The following B4GALNT2 variants were observed in gnomAD, a reference collection of about 807,000 sequenced individuals.
The protein encoded by B4GALNT2 is N-acetylneuraminylgalactosylglucosyl-glucoside beta-1,4-N- acetylgalactosaminyltransferase 2.
A neutral mutation model predicts 51.1 loss-of-function variants in B4GALNT2; 42 were observed. That is an observed-to-expected ratio of 0.82 (90% CI 0.64 to 1.06). The LOEUF (loss-of-function observed/expected upper bound fraction) is 1.06, where lower values mean the gene tolerates loss of function less well. Among genes scored for constraint, B4GALNT2 ranks in the 50% least tolerant of loss-of-function variants. The pLI, the probability that B4GALNT2 is intolerant of heterozygous loss-of-function variation, is 0.00. For missense variants in B4GALNT2, 602 were observed against 633.6 expected (o/e 0.95, Z 0.54); for synonymous variants, 253 against 251.7 (o/e 1.01, Z -0.05).
chr17:49,169,168 T>C (rs879640829), intron 10 of B4GALNT2, among the ~76,000 whole-genome samples: 4 of 152,142 alleles, frequency 2.6e-5, no homozygotes, highest in African/African-American at 9.7e-5. Flanking sequence ...TTCTTCCTCC[T>C]TTCCCATGCT....
the B4GALNT2 span, among the ~76,000 whole-genome samples, chr17:49,120,366 T>C: frequency 2.0e-5 from 3 of 152,164 alleles, no homozygotes; most frequent in Non-Finnish European, 4.4e-5. Flanking sequence ...GACTCTGACC[T>C]AGTCTGGTGG....
intron 1 of B4GALNT2, among the ~76,000 whole-genome samples, chr17:49,133,902 ACT>A (rs1365060253): frequency 4.0e-5 from 6 of 151,890 alleles, no homozygotes; most frequent in Non-Finnish European, 7.4e-5. Flanking sequence ...ACAGAGGGAG[ACT>A]CTGTCTCAAA....
Position 49,175,947 on chromosome 17 carries a change from C to A in B4GALNT2, c.*6219C>A, listed in dbSNP as rs1241994168. On this transcript the variant is annotated 3_prime_UTR_variant, in exon 11 of 11. Coordinates refer to ENST00000393354, the MANE Select transcript of B4GALNT2 (RefSeq NM_001159387.2). ...GCTTTAGCTTCAGCCAGCAAACAAA[C>A]CTGCTGTGTCATCTCTTCTGTTACT... 1.3e-5 allele frequency: 2 copies of A among 152,208 alleles called. No individual in the cohort carries two copies. The highest frequency in any genetic ancestry group is 2.9e-5 in the Non-Finnish European group (2 of 68,054). The allele number at this position is 152,208 out of a possible 1,614,324, so 9.4% of individuals were successfully genotyped here.
In B4GALNT2 at chr17:49,172,674, A is replaced by C. The variant is rs2042964571; in HGVS notation, c.*2946A>C. ...ATGTGTTTAATATTCCATATAGAGA[A>C]AAATGTAGCTAGAGCTTGGCTAGTA... On this transcript the variant is annotated 3_prime_UTR_variant, in exon 11 of 11. Transcript: ENST00000393354. 6.5e-6 allele frequency: 1 copy of C among 153,300 alleles called. No individual in the cohort carries two copies. The highest frequency in any genetic ancestry group is 1.5e-5 in the Non-Finnish European group (1 of 68,020). The allele number at this position is 153,300 out of a possible 1,614,324, so 9.5% of individuals were successfully genotyped here. A position where few individuals can be genotyped will look rare whatever the true frequency, so the allele number is the denominator to read the frequency against.
upstream of B4GALNT2, among the ~76,000 whole-genome samples, chr17:49,130,106 C>T (rs1014089572): frequency 6.6e-6 from 1 of 152,184 alleles, no homozygotes; most frequent in Non-Finnish European, 1.5e-5. Context: ...GCAGTCATCC[C>T]TAGAGCAGGG....
chr17:49,159,853 A>G (rs2042846088), intron 6 of B4GALNT2, among the ~76,000 whole-genome samples: 1 of 151,956 alleles, frequency 6.6e-6, no homozygotes, highest in African/African-American at 2.4e-5. Flanking sequence ...GAAGATTTCC[A>G]CTGCAGTAGA....
Position 49,176,737 on chromosome 17 carries a change from C to T in B4GALNT2, c.*7009C>T, listed in dbSNP as rs1472191652. The T allele has an allele frequency of 6.6e-6, 1 of 152,194 alleles. No homozygotes were observed. Among genetic ancestry groups the T allele is most frequent in the Non-Finnish European group, 1.5e-5 (1 of 68,036 alleles). 9.4% of individuals were successfully genotyped at this position (152,194 alleles called of 1,614,324 possible). A position where few individuals can be genotyped will look rare whatever the true frequency, so the allele number is the denominator to read the frequency against. On this transcript the variant is annotated 3_prime_UTR_variant, in exon 11 of 11. Transcript: ENST00000393354. ...GCCCTGCCTTTACAGTTTCTGTTTACCTGTAAACTTTTTCTTCCTGTGGCC... is the reference window on the plus strand; with the variant it reads ...GCCCTGCCTTTACAGTTTCTGTTTATCTGTAAACTTTTTCTTCCTGTGGCC...
chr17:49,159,007 T>C (rs746900137), intron 5 of B4GALNT2, 30 bp from the exon 6 acceptor site: 13 of 1,606,532 alleles, frequency 8.1e-6, no homozygotes, highest in Non-Finnish European at 4.3e-6. Flanking sequence ...AATCCCTGCA[T>C]TGAGCATCAT....
intron 6 of B4GALNT2, among the ~76,000 whole-genome samples, 193 bp from the exon 7 acceptor site, chr17:49,160,362 T>G (rs1378971720): frequency 6.6e-6 from 1 of 152,058 alleles, no homozygotes; most frequent in Admixed American, 6.6e-5. Flanking sequence ...TAGGAGTCAT[T>G]CAGCACGTTG....
At chr17:49,145,598 T>C (rs1178629613) in intron 3 of B4GALNT2, among the ~76,000 whole-genome samples, 1 of 151,960 alleles carries the variant, frequency 6.6e-6, no homozygotes, top group Non-Finnish European at 1.5e-5. Context: ...GCAGGTAATG[T>C]TTTTTTTCCT....
the B4GALNT2 span, among the ~76,000 whole-genome samples, chr17:49,126,496 T>TTA: frequency 4.5e-4 from 53 of 118,786 alleles, no homozygotes; most frequent in East Asian, 0.013. Flanking sequence ...GAATGATCAA[T>TTA]AAAAAAAAAA....
At chr17:49,152,948 C>T (rs1386462206) in intron 4 of B4GALNT2, 42 bp downstream of exon 4, 2 of 1,533,050 alleles carry the variant, frequency 1.3e-6, no homozygotes, top group East Asian at 4.7e-5. Context: ...ACAACATTCT[C>T]ACTCTTCTAA....
the B4GALNT2 span, among the ~76,000 whole-genome samples, chr17:49,121,327 C>T: frequency 6.6e-6 from 1 of 152,318 alleles, no homozygotes; most frequent in East Asian, 1.9e-4. Flanking sequence ...TTCTTCTTAC[C>T]TGAGCACTCC....
Position 49,170,805 on chromosome 17 carries a change from C to G in B4GALNT2, c.*1077C>G, listed in dbSNP as rs978183452. On this transcript the variant is annotated 3_prime_UTR_variant, in exon 11 of 11. Transcript: ENST00000393354. The stretch of plus-strand genomic sequence containing the variant: ...GTTTGACCCACATATTTATTGACAG[C>G]AAGCCAGTGATAAGCATTGTTTCTA... The G allele has an allele frequency of 6.6e-6, 1 of 152,222 alleles. No homozygotes were observed. The allele number at this position is 152,222 out of a possible 1,614,324, so 9.4% of individuals were successfully genotyped here.
intron 1 of B4GALNT2, among the ~76,000 whole-genome samples, chr17:49,137,208 A>C (rs1157467995): frequency 6.6e-6 from 1 of 152,188 alleles, no homozygotes; most frequent in Non-Finnish European, 1.5e-5. Flanking sequence ...TTAGTTATAT[A>C]ATATGGTTTG....
At chr17:49,131,698 A>G (rs1326798955), upstream of B4GALNT2, among the ~76,000 whole-genome samples, 1 of 151,920 alleles carries the variant, frequency 6.6e-6, no homozygotes, top group Non-Finnish European at 1.5e-5. Flanking sequence ...TTTAGTAGAG[A>G]TGGGGTTTCA....
chr17:49,156,705 G>A, intron 5 of B4GALNT2, 102 bp downstream of exon 5: 1 of 1,333,910 alleles, frequency 7.5e-7, no homozygotes, highest in Non-Finnish European at 1.0e-6. Flanking sequence ...CCAGATTCAA[G>A]GTCAGACATG....
chr17:49,135,078 A>G (rs561016892), intron 1 of B4GALNT2, among the ~76,000 whole-genome samples: 156 of 152,360 alleles, frequency 1.0e-3, no homozygotes, highest in Admixed American at 1.6e-3. Flanking sequence ...TAATGGCAGC[A>G]CAAAATGGAT....
Position 49,168,808 on chromosome 17 carries a change from T to C in B4GALNT2, c.1223T>C (p.Val408Ala). ...QPLDGFPSCV[V>A]TSGVVNFFLA... ...CTGGATGGCTTCCCCAGCTGCGTGG[T>C]GACCAGTGGCGTGGTCAACTTCTTC... The change falls in exon 10 of 11, where the codon GTG becomes GCG. Residue 408 changes from valine to alanine, a missense_variant. Coordinates refer to ENST00000393354, the MANE Select transcript of B4GALNT2 (RefSeq NM_001159387.2). The C allele has an allele frequency of 1.2e-6, 2 of 1,614,016 alleles. No individual in the cohort carries two copies. The highest frequency in any genetic ancestry group is 1.7e-6 in the Non-Finnish European group (2 of 1,180,010).
Sources: allele counts gnomAD v4.1 joint callset (sites outside exome capture counted in the v4.1 genomes callset), GRCh38; gene constraint gnomAD v4.1.1; transcripts MANE v1.5; gene names NCBI Gene and HGNC (gene_info 2026-07-23, HGNC 2026-07-21).